Variants in VPS13C observed in about 807,000 individuals in gnomAD.
The protein encoded by VPS13C is intermembrane lipid transfer protein VPS13C.
In VPS13C, 358 loss-of-function variants were observed where a neutral mutation model predicts 456.8. The observed-to-expected ratio is 0.78, with a 90% CI of 0.72 to 0.86. The LOEUF (loss-of-function observed/expected upper bound fraction) is 0.86, where lower values mean the gene tolerates loss of function less well. Among genes scored for constraint, VPS13C ranks in the 40% least tolerant of loss-of-function variants. The probability of loss-of-function intolerance (pLI) is 0.00; values close to 1 mark genes in which losing one functional copy is unlikely to be tolerated. For missense variants in VPS13C, 4,818 were observed against 4,385.4 expected (o/e 1.10, Z -2.79); for synonymous variants, 1,578 against 1,486.7 (o/e 1.06, Z -1.41).
intron 35 of VPS13C, 60 bp downstream of exon 35, chr15:61,961,529 T>G (rs563491880): frequency 1.4e-6 from 2 of 1,466,970 alleles, no homozygotes; most frequent in Admixed American, 4.8e-5. Context: ...TTTCAAGTCA[T>G]AAAATTTCAT....
chr15:61,920,708 T>A, intron 55 of VPS13C, 61 bp from the exon 56 acceptor site: 1 of 1,478,384 alleles, frequency 6.8e-7, no homozygotes, highest in South Asian at 1.4e-5. Flanking sequence ...AAAATAAAAA[T>A]GCTGGAGTTC....
rs370961810 is a variant in VPS13C at position 62,015,540 on chromosome 15, T to C, written c.685-1548A>G. Among the ~76,000 whole-genome samples the C allele has an allele frequency of 9.5e-3, 1,415 of 149,238 alleles. 33 individuals carry two copies. The highest frequency in any genetic ancestry group is 0.034 in the African/African-American group (1,353 of 39,790). ...TGGAACCAACCCAAATGTCCAACAA[T>C]GATAGACTGGATTAAGAAAATGTGG... is the stretch of plus-strand genomic sequence containing the variant. On this transcript the variant is annotated intron_variant, in intron 9 of 84. Transcript: ENST00000644861.
intron 68 of VPS13C, 34 bp from the exon 69 acceptor site, chr15:61,882,770 G>A (rs1895962415): frequency 2.6e-6 from 4 of 1,562,838 alleles, no homozygotes; most frequent in Non-Finnish European, 3.5e-6. Flanking sequence ...GTGATGAGCT[G>A]ATATTAGCAC....
At chr15:61,985,746 T>C (rs1352938498) in intron 18 of VPS13C, among the ~76,000 whole-genome samples, 2 of 151,984 alleles carry the variant, frequency 1.3e-5, no homozygotes, top group Non-Finnish European at 2.9e-5. Context: ...AGAAAATAAA[T>C]CCTGACCCCA....
chr15:61,964,119 T>C (rs1023984690), intron 31 of VPS13C, among the ~76,000 whole-genome samples, 168 bp from the exon 32 acceptor site: 2 of 152,070 alleles, frequency 1.3e-5, no homozygotes, highest in African/African-American at 4.8e-5. Context: ...TTCTGTAAAG[T>C]TTGCATTTTT....
chr15:61,991,611 T>C (rs1250829435), intron 17 of VPS13C, 62 bp downstream of exon 17: 12 of 1,508,890 alleles, frequency 8.0e-6, no homozygotes, highest in Non-Finnish European at 1.1e-5. Context: ...AGGGAAGATA[T>C]AATTTACACA....
At chr15:61,930,032 G>A (rs2044002042) in intron 50 of VPS13C, among the ~76,000 whole-genome samples, 1 of 151,924 alleles carries the variant, frequency 6.6e-6, no homozygotes, top group African/African-American at 2.4e-5. Flanking sequence ...ACATTATAAT[G>A]CAATACTAAA....
rs1360156886 is a variant in VPS13C at position 61,880,903 on chromosome 15, A to G, written c.9828T>C (p.Phe3276=). 3.1e-6 allele frequency: 5 copies of G among 1,610,840 alleles called. No homozygotes were observed. Among genetic ancestry groups the G allele is most frequent in the Non-Finnish European group, 4.2e-6 (5 of 1,178,634 alleles). Residue 3276 remains phenylalanine, a synonymous_variant, in exon 72 of 85, where the codon TTT becomes TTC. Coordinates refer to ENST00000644861, the MANE Select transcript of VPS13C (RefSeq NM_020821.3). Reference sequence around the variant, plus strand: ...TAAACAGTGCAATAATAGCTCCTAGAAACCCTTGATCAATTTTTAAGGCCA... The same window carrying G: ...TAAACAGTGCAATAATAGCTCCTAGGAACCCTTGATCAATTTTTAAGGCCA... ...QEMALKIDQG[F]LGAIIALFTP...
chr15:61,982,381 T>C (rs2045913672), intron 21 of VPS13C, 78 bp downstream of exon 21: 2 of 1,032,400 alleles, frequency 1.9e-6, no homozygotes. Context: ...ACATAATATT[T>C]TGAATACAAT....
chr15:62,002,727 T>C (rs1410896742), intron 15 of VPS13C, among the ~76,000 whole-genome samples: 1 of 152,186 alleles, frequency 6.6e-6, no homozygotes, highest in African/African-American at 2.4e-5. Flanking sequence ...CAGTTTCAGC[T>C]TTCTACATAT....
At chr15:61,899,431 G>T (rs528120426) in intron 66 of VPS13C, among the ~76,000 whole-genome samples, 1 of 151,018 alleles carries the variant, frequency 6.6e-6, no homozygotes, top group African/African-American at 2.4e-5. Context: ...TATCACCACC[G>T]ATCCCACACA....
chr15:62,048,199 C>T (rs1267227554), intron 1 of VPS13C, among the ~76,000 whole-genome samples: 1 of 150,408 alleles, frequency 6.6e-6, no homozygotes, highest in African/African-American at 2.4e-5. Flanking sequence ...TGGTGTGCTG[C>T]ACCCATTAAC....
At chr15:62,014,053 T>G in intron 9 of VPS13C, 61 bp from the exon 10 acceptor site, 2 of 1,217,686 alleles carry the variant, frequency 1.6e-6, no homozygotes, top group Non-Finnish European at 2.4e-6. Context: ...AGCGCTCTAA[T>G]ACTTACATAA....
At chr15:61,920,779 T>A in intron 55 of VPS13C, 132 bp from the exon 56 acceptor site, 2 of 726,148 alleles carry the variant, frequency 2.8e-6, no homozygotes, top group Non-Finnish European at 4.0e-6. Flanking sequence ...TTCAAAAATA[T>A]ACCATGCTTC....
chr15:61,889,532 A>G (rs1450985609), intron 67 of VPS13C, among the ~76,000 whole-genome samples: 1 of 152,218 alleles, frequency 6.6e-6, no homozygotes, highest in East Asian at 1.9e-4. Flanking sequence ...CTAAAAAAGA[A>G]TAAGTCTTTT....
intron 1 of VPS13C, among the ~76,000 whole-genome samples, chr15:62,052,588 G>A (rs1272431252): frequency 6.6e-6 from 1 of 150,788 alleles, no homozygotes; most frequent in Non-Finnish European, 1.5e-5. Flanking sequence ...CAGGAGAATG[G>A]CGTGAACCCA....
At chr15:61,900,811 A>C (rs1337780167) in intron 66 of VPS13C, among the ~76,000 whole-genome samples, 1 of 151,866 alleles carries the variant, frequency 6.6e-6, no homozygotes, top group East Asian at 1.9e-4. Flanking sequence ...AGTCAATCCT[A>C]AGCCAAAAGA....
chr15:62,058,266 T>C (rs28532041), intron 1 of VPS13C, among the ~76,000 whole-genome samples: 4,377 of 152,264 alleles, frequency 0.029, 223 homozygotes, highest in African/African-American at 0.1. Context: ...CTGGAAAGAA[T>C]ATTGCCAGTA....
Position 61,974,289 on chromosome 15 carries a change from T to G in VPS13C, c.2537A>C (p.Gln846Pro), listed in dbSNP as rs766373352. 1 of 1,610,180 alleles carries G rather than the reference T, an allele frequency of 6.2e-7. No individual in the cohort carries two copies. The highest frequency in any genetic ancestry group is 8.5e-7 in the Non-Finnish European group (1 of 1,177,838). ...QKSSAQSPER[Q>P]VSSIPIISGG... The stretch of plus-strand genomic sequence containing the variant: ...ATACATTTTATTGTATCTATTTACC[T>G]GTCTCTCTGGAGACTGGGCTGATGA... The change falls in exon 25 of 85, where the codon CAG becomes CCG. Residue 846 changes from glutamine (Q) to proline (P), a missense_variant and splice_region_variant. Around this residue, in one of 3 missense-constraint regions of VPS13C, gnomAD observed 4,552 missense variants for 4,130.6 expected, o/e 1.10. Transcript: ENST00000644861.
Sources: gnomAD v4.1 joint callset for allele counts (sites outside exome capture counted in the v4.1 genomes callset) on GRCh38, gnomAD v4.1.1 for gene constraint, gnomAD v4.1.1 regional missense constraint, MANE v1.5 for transcripts, NCBI Gene and HGNC (gene_info 2026-07-23, HGNC 2026-07-21) for gene names.